The following NRG3 variants were observed in gnomAD, a reference collection of about 807,000 sequenced individuals.
NRG3 encodes the protein pro-neuregulin-3, membrane-bound isoform.
Under a neutral mutation model 66.9 loss-of-function variants are expected in NRG3, and 31 were observed. The ratio of observed to expected loss-of-function variants is 0.46; its 90% CI spans 0.35 to 0.63. The LOEUF (loss-of-function observed/expected upper bound fraction) is 0.63. Among genes scored for constraint, NRG3 ranks in the 20% least tolerant of loss-of-function variants. The probability of loss-of-function intolerance (pLI) is 0.00; values close to 1 mark genes in which losing one functional copy is unlikely to be tolerated. For synonymous variants in NRG3, 393 were observed against 359.4 expected (o/e 1.09, Z -1.06); for missense variants, 910 against 878.9 (o/e 1.04, Z -0.45).
At chr10:82,854,929 G>T (rs148932677) in intron 3 of NRG3, among the ~76,000 whole-genome samples, 1 of 152,242 alleles carries the variant, frequency 6.6e-6, no homozygotes, top group East Asian at 1.9e-4. Context: ...TGCTCTAGAT[G>T]AATATCTTGG....
chr10:82,473,518 C>T (rs534658855), intron 2 of NRG3, among the ~76,000 whole-genome samples: 3 of 152,246 alleles, frequency 2.0e-5, no homozygotes, highest in Admixed American at 2.0e-4. Context: ...ACTAAAATAA[C>T]TTTGTAGGGA....
At chr10:81,913,705 T>G (rs923735314) in intron 1 of NRG3, among the ~76,000 whole-genome samples, 16 of 152,274 alleles carry the variant, frequency 1.1e-4, no homozygotes, top group Non-Finnish European at 1.6e-4. Context: ...ATTACAGGCA[T>G]GAGCCACCGC....
At chr10:82,639,228 A>G (rs2050402940) in intron 2 of NRG3, among the ~76,000 whole-genome samples, 1 of 152,196 alleles carries the variant, frequency 6.6e-6, no homozygotes, top group African/African-American at 2.4e-5. Flanking sequence ...TCAAGTGTCT[A>G]GTGAGATCTC....
Position 81,881,186 on chromosome 10 carries a change from G to GTT in NRG3, c.823+5034_823+5035dup, listed in dbSNP as rs144046078. On this transcript the variant is annotated intron_variant, in intron 1 of 8. Coordinates refer to ENST00000372141, the MANE Select transcript of NRG3 (RefSeq NM_001010848.4). ...TTTCAGGCTTTTGTGTTTTTTTTGT[G>GTT]TTTTTTTTTTTTGTTTTTTTGCCCT... Among the ~76,000 whole-genome samples the GTT allele has an allele frequency of 3.0e-3, 418 of 137,116 alleles. 2 individuals are homozygous for GTT. Among genetic ancestry groups the GTT allele is most frequent in the African/African-American group, 0.011 (397 of 37,496 alleles). The allele number at this position is 137,116 out of a possible 152,430, so 90.0% of individuals were successfully genotyped here.
At chr10:82,299,069 C>G (rs189761908) in intron 1 of NRG3, among the ~76,000 whole-genome samples, 5 of 152,120 alleles carry the variant, frequency 3.3e-5, no homozygotes. Context: ...ATGCCGTGGG[C>G]CCAAAGGGGA....
intron 1 of NRG3, among the ~76,000 whole-genome samples, chr10:81,961,572 C>T (rs1290640762): frequency 6.6e-6 from 1 of 152,226 alleles, no homozygotes; most frequent in African/African-American, 2.4e-5. Flanking sequence ...TAGAATCATA[C>T]AGTGTAAACT....
intron 1 of NRG3, among the ~76,000 whole-genome samples, chr10:82,132,305 G>A (rs2068884105): frequency 6.6e-6 from 1 of 150,484 alleles, no homozygotes; most frequent in Non-Finnish European, 1.5e-5. Flanking sequence ...TATGGTTTTT[G>A]TTCCTCATTC....
chr10:82,237,131 T>C (rs2076794022), intron 1 of NRG3, among the ~76,000 whole-genome samples: 2 of 152,210 alleles, frequency 1.3e-5, no homozygotes, highest in African/African-American at 4.8e-5. Context: ...CTACAGGCTG[T>C]CATGGAGATG....
At chr10:82,729,407 A>G (rs976146189) in intron 2 of NRG3, among the ~76,000 whole-genome samples, 1 of 152,124 alleles carries the variant, frequency 6.6e-6, no homozygotes, top group Non-Finnish European at 1.5e-5. Flanking sequence ...GGGCCACCAT[A>G]TTACTGTCTC....
chr10:82,452,910 G>A (rs1268911921), intron 2 of NRG3, among the ~76,000 whole-genome samples: 1 of 152,112 alleles, frequency 6.6e-6, no homozygotes, highest in African/African-American at 2.4e-5. Context: ...TTCTGTCCAC[G>A]TTTCTGTGGC....
At chr10:82,216,974 C>T (rs920385032) in intron 1 of NRG3, among the ~76,000 whole-genome samples, 3 of 152,146 alleles carry the variant, frequency 2.0e-5, no homozygotes, top group South Asian at 2.1e-4. Context: ...GCAGTTCACT[C>T]ATACTGAGCA....
At chr10:81,876,942 C>T (rs1361324405) in intron 1 of NRG3, among the ~76,000 whole-genome samples, 1 of 151,952 alleles carries the variant, frequency 6.6e-6, no homozygotes, top group Non-Finnish European at 1.5e-5. Flanking sequence ...TTTTTTCAGC[C>T]CTGCCAAGCC....
At chr10:82,557,487 C>T (rs1266118389) in intron 2 of NRG3, among the ~76,000 whole-genome samples, 16 of 151,108 alleles carry the variant, frequency 1.1e-4, no homozygotes, top group African/African-American at 1.7e-4. Flanking sequence ...ATGTTTTTTT[C>T]TTGCAAATTT....
At chr10:82,224,653 A>G (rs2076089855) in intron 1 of NRG3, among the ~76,000 whole-genome samples, 1 of 152,332 alleles carries the variant, frequency 6.6e-6, no homozygotes, top group East Asian at 1.9e-4. Context: ...ATTGAAATCT[A>G]CATGACTTAA....
chr10:82,557,821 G>A (rs773782924), intron 2 of NRG3, among the ~76,000 whole-genome samples: 8 of 152,136 alleles, frequency 5.3e-5, no homozygotes, highest in African/African-American at 1.4e-4. Flanking sequence ...ATGAGGACAC[G>A]TAGACTCAGT....
chr10:82,237,855 A>G (rs1163382298), intron 1 of NRG3, among the ~76,000 whole-genome samples: 1 of 152,182 alleles, frequency 6.6e-6, no homozygotes, highest in Non-Finnish European at 1.5e-5. Context: ...AGGACAAAGT[A>G]AGATCATTTT....
Position 82,862,758 on chromosome 10 carries a change from C to G in NRG3, c.1028-2653C>G, listed in dbSNP as rs2064199468. 2.0e-5 allele frequency among the ~76,000 whole-genome samples: 3 copies of G among 152,142 alleles called. No homozygotes were observed. The South Asian group carries it at 6.2e-4, about 32-fold the overall frequency. On this transcript the variant is annotated intron_variant, in intron 3 of 8. Transcript: ENST00000372141. Reference sequence around the variant, plus strand: ...CTTACTTGGGATTCGCTCTCAAAACCTTTTGTGCAGAGAAGTCAACGACCT... The same window carrying G: ...CTTACTTGGGATTCGCTCTCAAAACGTTTTGTGCAGAGAAGTCAACGACCT...
chr10:82,824,663 T>A (rs188243520), intron 3 of NRG3, among the ~76,000 whole-genome samples: 76 of 152,254 alleles, frequency 5.0e-4, no homozygotes, highest in Non-Finnish European at 7.6e-4. Context: ...GCTGTTTGTA[T>A]ATTTTTTTTG....
At chr10:81,985,014 A>C (rs1003615784) in intron 1 of NRG3, among the ~76,000 whole-genome samples, 1 of 152,254 alleles carries the variant, frequency 6.6e-6, no homozygotes, top group Non-Finnish European at 1.5e-5. Context: ...CACAGTATGC[A>C]AAGATTTACA....
Sources: allele counts gnomAD v4.1 joint callset (sites outside exome capture counted in the v4.1 genomes callset), GRCh38; gene constraint gnomAD v4.1.1; transcripts MANE v1.5; gene names NCBI Gene and HGNC (gene_info 2026-07-23, HGNC 2026-07-21).